ATOSA: variants seen among roughly 807,000 people sequenced by gnomAD.
The protein encoded by ATOSA is atos homolog protein A.
the ATOSA span, among the ~76,000 whole-genome samples, chr15:52,709,343 A>G: frequency 6.6e-6 from 1 of 152,140 alleles, no homozygotes; most frequent in African/African-American, 2.4e-5. Flanking sequence ...TTGCAAAATC[A>G]TTGGCTTTAA....
chr15:52,665,155 A>G, the ATOSA span, among the ~76,000 whole-genome samples: 1 of 152,206 alleles, frequency 6.6e-6, no homozygotes, highest in Admixed American at 6.5e-5. Flanking sequence ...ACCTATGGGT[A>G]CTATGCTCAC....
At chr15:52,656,500 A>G in the ATOSA span, 1 of 152,108 alleles carries the variant, frequency 6.6e-6, no homozygotes, top group Non-Finnish European at 1.5e-5. Flanking sequence ...AAAATGCTAA[A>G]AAGTACCTAA....
the ATOSA span, among the ~76,000 whole-genome samples, chr15:52,695,454 T>C: frequency 3.3e-5 from 5 of 152,256 alleles, no homozygotes; most frequent in Non-Finnish European, 5.9e-5. Flanking sequence ...CTTTCTTCCT[T>C]GAGAGCTTCT....
At chr15:52,691,097 T>G in the ATOSA span, among the ~76,000 whole-genome samples, 93 of 152,112 alleles carry the variant, frequency 6.1e-4, no homozygotes, top group African/African-American at 2.0e-3. Flanking sequence ...TTAAGTGCTT[T>G]AGAGTTTCTA....
the ATOSA span, chr15:52,611,658 T>C: frequency 1.9e-5 from 31 of 1,613,924 alleles, 1 homozygote; most frequent in Middle Eastern, 3.3e-4. Flanking sequence ...CAATTCCCTC[T>C]GTGGTGGGCC....
chr15:52,698,990 G>C, the ATOSA span, among the ~76,000 whole-genome samples: 141 of 152,320 alleles, frequency 9.3e-4, no homozygotes, highest in African/African-American at 3.3e-3. Context: ...TATACTGCCA[G>C]TTGACTCAGT....
chr15:52,611,663 T>C, the ATOSA span: 1 of 1,613,908 alleles, frequency 6.2e-7, no homozygotes, highest in East Asian at 2.2e-5. Context: ...CCCTCTGTGG[T>C]GGGCCCATCA....
At chr15:52,611,133 T>C in the ATOSA span, 1 of 1,613,204 alleles carries the variant, frequency 6.2e-7, no homozygotes, top group Non-Finnish European at 8.5e-7. Flanking sequence ...GACATACCTG[T>C]AGAGAATATT....
chr15:52,618,331 G>A, the ATOSA span, among the ~76,000 whole-genome samples: 11 of 151,716 alleles, frequency 7.3e-5, no homozygotes, highest in East Asian at 2.0e-4. Context: ...GTGCCACTGC[G>A]CCTGGCCCAA....
the ATOSA span, among the ~76,000 whole-genome samples, chr15:52,675,664 A>T: frequency 4.6e-5 from 7 of 152,118 alleles, no homozygotes; most frequent in Non-Finnish European, 1.0e-4. Flanking sequence ...ATCCCAGCAC[A>T]CTGGGAGGCC....
the ATOSA span, among the ~76,000 whole-genome samples, chr15:52,670,381 T>C: frequency 5.9e-5 from 9 of 152,188 alleles, no homozygotes; most frequent in East Asian, 1.3e-3. Context: ...AGGTTGACGG[T>C]ATTAGAGCAA....
chr15:52,627,715 T>C, the ATOSA span, among the ~76,000 whole-genome samples: 1 of 152,146 alleles, frequency 6.6e-6, no homozygotes, highest in Non-Finnish European at 1.5e-5. Flanking sequence ...TATTTTACTA[T>C]GATTTTTAAA....
the ATOSA span, chr15:52,600,964 T>C: frequency 1.5e-6 from 1 of 686,960 alleles, no homozygotes; most frequent in South Asian, 1.8e-5. Context: ...GTACATGGTA[T>C]CATACTCTAA....
chr15:52,645,558 GTGGGTA>G, the ATOSA span, among the ~76,000 whole-genome samples: 2 of 152,328 alleles, frequency 1.3e-5, no homozygotes, highest in African/African-American at 2.4e-5. Context: ...AAAGCTCCCA[GTGGGTA>G]TGATATCTAA....
chr15:52,695,929 T>C, the ATOSA span, among the ~76,000 whole-genome samples: 2 of 152,114 alleles, frequency 1.3e-5, no homozygotes, highest in East Asian at 3.8e-4. Flanking sequence ...GAAGAGCAGT[T>C]GCAGCTGCAA....
the ATOSA span, among the ~76,000 whole-genome samples, chr15:52,633,058 T>C: frequency 6.6e-6 from 1 of 152,348 alleles, no homozygotes; most frequent in Non-Finnish European, 1.5e-5. Flanking sequence ...TGTTACTTCA[T>C]TTCTTCATTT....
the ATOSA span, among the ~76,000 whole-genome samples, chr15:52,633,916 C>T: frequency 9.2e-5 from 14 of 151,950 alleles, no homozygotes; most frequent in African/African-American, 3.4e-4. Context: ...ATATAAAATG[C>T]ATAACAATAG....
At chr15:52,611,618 C>T in the ATOSA span, 4 of 1,614,014 alleles carry the variant, frequency 2.5e-6, no homozygotes, top group Admixed American at 6.7e-5. Flanking sequence ...AATAATAATG[C>T]ATCTTGCTTA....
the ATOSA span, among the ~76,000 whole-genome samples, chr15:52,632,135 T>C: frequency 6.6e-6 from 1 of 152,202 alleles, no homozygotes; most frequent in Non-Finnish European, 1.5e-5. Context: ...CATCTTAAAG[T>C]GGAAAAGACT....
Sources: allele counts gnomAD v4.1 joint callset (sites outside exome capture counted in the v4.1 genomes callset), GRCh38; gene constraint gnomAD v4.1.1; transcripts MANE v1.5; gene names NCBI Gene and HGNC (gene_info 2026-07-23, HGNC 2026-07-21).